Variants in SYT14 observed in about 807,000 individuals in gnomAD.
The protein encoded by SYT14 is synaptotagmin 14.
SYT14 carries 32 observed loss-of-function variants against 74.2 expected under a neutral mutation model. The ratio of observed to expected loss-of-function variants is 0.43; its 90% confidence interval spans 0.33 to 0.58. The LOEUF is 0.58. Among genes scored for constraint, SYT14 ranks in the 20% least tolerant of loss-of-function variants. The pLI, the probability that SYT14 is intolerant of heterozygous loss-of-function variation, is 0.05. For synonymous variants in SYT14, 298 were observed against 337.7 expected, an observed-to-expected ratio of 0.88 and a Z score of 1.29; for missense variants, 791 against 981.8, an observed-to-expected ratio of 0.81 and a Z score of 2.60.
intron 1 of SYT14, 74 bp downstream of exon 1, chr1:209,938,351 A>G: frequency 1.4e-6 from 2 of 1,456,572 alleles, no homozygotes; most frequent in Middle Eastern, 1.9e-4. Flanking sequence ...GTGCGCCGGC[A>G]GGCCGAGGCG....
At chr1:210,111,881 C>A (rs773730670) in intron 7 of SYT14, among the ~76,000 whole-genome samples, 1 of 151,106 alleles carries the variant, frequency 6.6e-6, no homozygotes, top group Non-Finnish European at 1.5e-5. Context: ...TTAATATAGT[C>A]CTCCTTTTTA....
intron 2 of SYT14, among the ~76,000 whole-genome samples, chr1:209,973,943 G>T (rs1488496494): frequency 6.6e-6 from 1 of 152,090 alleles, no homozygotes; most frequent in Non-Finnish European, 1.5e-5. Flanking sequence ...GTTTTGATTT[G>T]CATTTCTCTG....
chr1:210,074,123 C>G (rs1466485066), intron 5 of SYT14, among the ~76,000 whole-genome samples: 1 of 152,120 alleles, frequency 6.6e-6, no homozygotes, highest in Non-Finnish European at 1.5e-5. Flanking sequence ...TTTATCTATC[C>G]TTTCTGAGCC....
intron 5 of SYT14, among the ~76,000 whole-genome samples, chr1:210,061,668 G>A (rs1312405915): frequency 6.6e-6 from 1 of 151,804 alleles, no homozygotes. Context: ...ACTAGTTATG[G>A]AAATTTAGTA....
chr1:210,088,382 A>T (rs959229178), intron 5 of SYT14, among the ~76,000 whole-genome samples: 6 of 151,856 alleles, frequency 4.0e-5, no homozygotes, highest in African/African-American at 1.5e-4. Context: ...GTGGTGTGTG[A>T]TGTTCCCCTC....
chr1:209,949,415 A>T (rs2078875714), intron 1 of SYT14, among the ~76,000 whole-genome samples: 1 of 152,014 alleles, frequency 6.6e-6, no homozygotes, highest in African/African-American at 2.4e-5. Context: ...TCTACTAAAG[A>T]TACAAAAGTT....
chr1:210,013,520 T>TA, intron 2 of SYT14, 113 bp from the exon 3 acceptor site: 1 of 1,074,630 alleles, frequency 9.3e-7, no homozygotes, highest in Non-Finnish European at 1.4e-6. Context: ...CTATGACAAT[T>TA]AAAAAATATA....
chr1:210,147,623 A>G (rs2083067432), intron 7 of SYT14, among the ~76,000 whole-genome samples: 2 of 152,244 alleles, frequency 1.3e-5, no homozygotes, highest in Non-Finnish European at 2.9e-5. Context: ...GTATACATTA[A>G]TGAAAAACAG....
At chr1:210,086,830 C>T (rs2081743029) in intron 5 of SYT14, among the ~76,000 whole-genome samples, 2 of 152,140 alleles carry the variant, frequency 1.3e-5, no homozygotes, top group Non-Finnish European at 2.9e-5. Flanking sequence ...GTGGATTGTC[C>T]AATTCCAATC....
intron 2 of SYT14, among the ~76,000 whole-genome samples, chr1:209,986,359 A>G (rs1572114833): frequency 6.6e-6 from 1 of 152,076 alleles, no homozygotes. Flanking sequence ...TAGTCCTAGC[A>G]CTTTGGGAGG....
intron 7 of SYT14, among the ~76,000 whole-genome samples, chr1:210,102,597 G>A (rs2082087649): frequency 6.6e-6 from 1 of 152,050 alleles, no homozygotes; most frequent in Non-Finnish European, 1.5e-5. Flanking sequence ...ACTTGGGTGA[G>A]TTTGGCTCTA....
chr1:209,990,955 A>G (rs1264686562), intron 2 of SYT14, among the ~76,000 whole-genome samples: 1 of 152,150 alleles, frequency 6.6e-6, no homozygotes, highest in African/African-American at 2.4e-5. Flanking sequence ...GTAGAATAGA[A>G]TAGAGAACCC....
At chr1:210,131,815 A>G (rs895165355) in intron 7 of SYT14, among the ~76,000 whole-genome samples, 2 of 152,036 alleles carry the variant, frequency 1.3e-5, no homozygotes, top group African/African-American at 4.8e-5. Context: ...CCATATAAAC[A>G]TATTCATTCC....
At chr1:209,951,728 G>T (rs1483353420) in intron 1 of SYT14, among the ~76,000 whole-genome samples, 1 of 151,974 alleles carries the variant, frequency 6.6e-6, no homozygotes, top group Non-Finnish European at 1.5e-5. Context: ...CAATAGAATT[G>T]AAATTTATGC....
At chr1:210,027,388 A>G (rs890008163) in intron 5 of SYT14, among the ~76,000 whole-genome samples, 14 of 151,664 alleles carry the variant, frequency 9.2e-5, no homozygotes, top group Admixed American at 2.6e-4. Flanking sequence ...ACACTCCAGC[A>G]TAGGCAACAG....
At chr1:210,017,132 A>C in intron 4 of SYT14, 1 of 1,140,484 alleles carries the variant, frequency 8.8e-7, no homozygotes, top group South Asian at 4.9e-5. Flanking sequence ...TGAGTGATTA[A>C]ATTTTCTCTT....
chr1:210,074,027 G>C (rs2102454779), intron 5 of SYT14, among the ~76,000 whole-genome samples: 1 of 152,220 alleles, frequency 6.6e-6, no homozygotes, highest in Admixed American at 6.5e-5. Context: ...GGTAGACTGT[G>C]TCCAAAATTA....
At chr1:210,040,966 G>A (rs2080776383) in intron 5 of SYT14, among the ~76,000 whole-genome samples, 1 of 152,158 alleles carries the variant, frequency 6.6e-6, no homozygotes, top group South Asian at 2.1e-4. Context: ...GGAGTGGCCT[G>A]CAGTGCAACA....
At chr1:209,978,104 G>T (rs529000233) in intron 2 of SYT14, among the ~76,000 whole-genome samples, 2 of 151,896 alleles carry the variant, frequency 1.3e-5, no homozygotes, top group African/African-American at 2.4e-5. Flanking sequence ...TTCACCATTC[G>T]TATAATTTTT....
Sources: gnomAD v4.1 joint callset for allele counts (sites outside exome capture counted in the v4.1 genomes callset) on GRCh38, gnomAD v4.1.1 for gene constraint, MANE v1.5 for transcripts, NCBI Gene and HGNC (gene_info 2026-07-23, HGNC 2026-07-21) for gene names.